The following ZNF385B variants were observed in gnomAD, a reference collection of about 807,000 sequenced individuals.
ZNF385B encodes the protein zinc finger protein 533.
ZNF385B carries 23 observed loss-of-function variants against 39.2 expected under a neutral mutation model. The observed-to-expected ratio is 0.59, with a 90% CI of 0.42 to 0.83. The LOEUF is 0.83. Among genes scored for constraint, ZNF385B ranks in the 40% least tolerant of loss-of-function variants. The pLI, the probability that ZNF385B is intolerant of heterozygous loss-of-function variation, is 0.00. For synonymous variants in ZNF385B, 205 were observed against 222.6 expected (o/e 0.92, Z 0.70); for missense variants, 552 against 598.9 (o/e 0.92, Z 0.82).
At chr2:179,444,661 A>G (rs1398490701) in intron 9 of ZNF385B, among the ~76,000 whole-genome samples, 1 of 152,236 alleles carries the variant, frequency 6.6e-6, no homozygotes, top group Non-Finnish European at 1.5e-5. Context: ...GGTAAAGAGT[A>G]AAATATTAGC....
intron 3 of ZNF385B, among the ~76,000 whole-genome samples, chr2:179,631,750 T>C (rs1157176552): frequency 2.0e-5 from 3 of 152,020 alleles, no homozygotes; most frequent in Admixed American, 6.6e-5. Context: ...TCAAGACCCA[T>C]CGGTGTGCTG....
Position 179,725,910 on chromosome 2 carries a change from GTATA to G in ZNF385B, c.298+43589_298+43592del, listed in dbSNP as rs72080859. Among the ~76,000 whole-genome samples the G allele has an allele frequency of 3.8e-3, 526 of 138,730 alleles. 6 individuals carry two copies. Among genetic ancestry groups the G allele is most frequent in the South Asian group, 8.6e-3 (38 of 4,424 alleles). 91.0% of individuals were successfully genotyped at this position (138,730 alleles called of 152,430 possible). A position where few individuals can be genotyped will look rare whatever the true frequency, so the allele number is the denominator to read the frequency against. On this transcript the variant is annotated intron_variant, in intron 3 of 9. Transcript: ENST00000410066. ...TATATGAATATATGTGTTTGTGTGT[GTATA>G]TATATATATATATATATATGTGTAT...
At chr2:179,628,852 C>A (rs1165997106) in intron 3 of ZNF385B, among the ~76,000 whole-genome samples, 1 of 152,160 alleles carries the variant, frequency 6.6e-6, no homozygotes, top group East Asian at 1.9e-4. Flanking sequence ...ACAGGAACGA[C>A]AGCATAAATG....
At chr2:179,752,510 A>T (rs1702742032) in intron 3 of ZNF385B, among the ~76,000 whole-genome samples, 1 of 152,228 alleles carries the variant, frequency 6.6e-6, no homozygotes. Flanking sequence ...GAATTGCCAC[A>T]CTATCTTCCA....
At chr2:179,780,601 C>A (rs1165558591) in intron 1 of ZNF385B, among the ~76,000 whole-genome samples, 1 of 152,194 alleles carries the variant, frequency 6.6e-6, no homozygotes, top group Non-Finnish European at 1.5e-5. Flanking sequence ...GTGCCATGAT[C>A]TCGTTTGGAC....
chr2:179,758,200 T>G (rs1262561633), intron 3 of ZNF385B, among the ~76,000 whole-genome samples: 1 of 152,220 alleles, frequency 6.6e-6, no homozygotes, highest in Non-Finnish European at 1.5e-5. Flanking sequence ...CATTGTGTCT[T>G]AGGCCATTCC....
At chr2:179,498,103 A>C (rs1359438513) in intron 5 of ZNF385B, among the ~76,000 whole-genome samples, 1 of 152,108 alleles carries the variant, frequency 6.6e-6, no homozygotes, top group Non-Finnish European at 1.5e-5. Context: ...CAATACAATA[A>C]TACTTGGAGA....
At chr2:179,819,736 T>G (rs1575550501) in intron 1 of ZNF385B, among the ~76,000 whole-genome samples, 1 of 152,302 alleles carries the variant, frequency 6.6e-6, no homozygotes. Context: ...CAAAGGTCTT[T>G]TGGCCTCTCC....
intron 1 of ZNF385B, among the ~76,000 whole-genome samples, chr2:179,838,763 C>A (rs1193722044): frequency 6.6e-6 from 1 of 152,092 alleles, no homozygotes; most frequent in African/African-American, 2.4e-5. Context: ...GCACTATTCA[C>A]TCTTCTCTGA....
At chr2:179,573,609 TAAAAGCTAAATTTA>T (rs1685479278) in intron 3 of ZNF385B, among the ~76,000 whole-genome samples, 1 of 152,110 alleles carries the variant, frequency 6.6e-6, no homozygotes, top group South Asian at 2.1e-4. Flanking sequence ...AAATTTAGAT[TAAAAGCTAAATTTA>T]AGAAAGTTAC....
At chr2:179,744,497 G>C (rs1333089089) in intron 3 of ZNF385B, among the ~76,000 whole-genome samples, 1 of 152,098 alleles carries the variant, frequency 6.6e-6, no homozygotes, top group African/African-American at 2.4e-5. Flanking sequence ...CTTCTAGCAA[G>C]ATAGTGGCCC....
At chr2:179,548,754 A>G (rs1227212246) in intron 3 of ZNF385B, among the ~76,000 whole-genome samples, 3 of 149,206 alleles carry the variant, frequency 2.0e-5, no homozygotes, top group Admixed American at 6.7e-5. Flanking sequence ...CTTATTCACT[A>G]TCACAAGAAC....
At chr2:179,758,037 C>G (rs1257674067) in intron 3 of ZNF385B, among the ~76,000 whole-genome samples, 1 of 152,142 alleles carries the variant, frequency 6.6e-6, no homozygotes, top group Non-Finnish European at 1.5e-5. Flanking sequence ...CAGAAATCAC[C>G]CATCTTCTGC....
chr2:179,535,848 ATAAAAG>A (rs1438279203), intron 4 of ZNF385B, among the ~76,000 whole-genome samples: 1 of 152,262 alleles, frequency 6.6e-6, no homozygotes. Flanking sequence ...AAAAGCAACT[ATAAAAG>A]TAAAGGAACC....
At chr2:179,507,902 C>T (rs2057369040) in intron 5 of ZNF385B, among the ~76,000 whole-genome samples, 1 of 152,178 alleles carries the variant, frequency 6.6e-6, no homozygotes, top group African/African-American at 2.4e-5. Flanking sequence ...GCCAGTCAGA[C>T]TTTCCCAAAA....
At chr2:179,507,999 G>C (rs1052556971) in intron 5 of ZNF385B, among the ~76,000 whole-genome samples, 1 of 152,194 alleles carries the variant, frequency 6.6e-6, no homozygotes, top group Non-Finnish European at 1.5e-5. Context: ...GCGCTTGAGA[G>C]ATGAAAGTAG....
At chr2:179,727,304 A>G (rs1221544434) in intron 3 of ZNF385B, among the ~76,000 whole-genome samples, 1 of 152,064 alleles carries the variant, frequency 6.6e-6, no homozygotes, top group African/African-American at 2.4e-5. Flanking sequence ...TCCAAAAATT[A>G]ATCTCCAAAC....
intron 1 of ZNF385B, among the ~76,000 whole-genome samples, chr2:179,859,402 T>A (rs1195757944): frequency 6.6e-6 from 1 of 152,224 alleles, no homozygotes; most frequent in African/African-American, 2.4e-5. Flanking sequence ...TAAACTTCTA[T>A]AAAGAGATCA....
At chr2:179,821,440 A>G (rs1388494702) in intron 1 of ZNF385B, among the ~76,000 whole-genome samples, 4 of 152,172 alleles carry the variant, frequency 2.6e-5, no homozygotes. Flanking sequence ...GAAAATAAAT[A>G]AAGCCTCCAA....
Sources: gnomAD v4.1 joint callset for allele counts (sites outside exome capture counted in the v4.1 genomes callset) on GRCh38, gnomAD v4.1.1 for gene constraint, MANE v1.5 for transcripts, NCBI Gene and HGNC (gene_info 2026-07-23, HGNC 2026-07-21) for gene names.